The following INSL6 variants were observed in gnomAD, a reference collection of about 807,000 sequenced individuals.
INSL6 encodes insulin like 6, also known as insulin-like peptide INSL6.
Under a neutral mutation model 9.4 loss-of-function variants are expected in INSL6, and 16 were observed. The ratio of observed to expected loss-of-function variants is 1.70; its 90% CI spans 1.15 to 2.59. The LOEUF (loss-of-function observed/expected upper bound fraction) is 2.59, where lower values mean the gene tolerates loss of function less well. Ranked by LOEUF, INSL6 falls within the 30% of genes most tolerant of loss-of-function variation. The pLI is 0.00. For synonymous variants in INSL6, 154 were observed against 96.9 expected (o/e 1.59, Z -3.46); for missense variants, 391 against 257.3 (o/e 1.52, Z -3.56).
At chr9:5,010,091 G>A in the INSL6 span, among the ~76,000 whole-genome samples, 36,900 of 152,050 alleles carry the variant, frequency 0.24, 4,733 homozygotes, top group South Asian at 0.3. Context: ...TTTAAATAGA[G>A]TCTATTTCCT....
the INSL6 span, among the ~76,000 whole-genome samples, chr9:5,055,063 G>A: frequency 6.6e-6 from 1 of 151,830 alleles, no homozygotes; most frequent in Non-Finnish European, 1.5e-5. Context: ...TTCTTAAATG[G>A]TTTTTTCATT....
the INSL6 span, among the ~76,000 whole-genome samples, chr9:5,002,337 A>G: frequency 6.6e-6 from 1 of 151,948 alleles, no homozygotes; most frequent in African/African-American, 2.4e-5. Context: ...TTTATTGTTT[A>G]TTATCATTCA....
chr9:5,020,891 G>C, the INSL6 span, among the ~76,000 whole-genome samples: 2 of 152,092 alleles, frequency 1.3e-5, no homozygotes, highest in Non-Finnish European at 2.9e-5. Flanking sequence ...ATTCTGGTGT[G>C]GGTTGGGCTT....
the INSL6 span, chr9:5,080,315 G>A: frequency 6.2e-7 from 1 of 1,613,454 alleles, no homozygotes; most frequent in Non-Finnish European, 8.5e-7. Context: ...ATGGAGTTTT[G>A]GTACCACTTT....
chr9:5,016,566 T>C, the INSL6 span, among the ~76,000 whole-genome samples: 1 of 152,216 alleles, frequency 6.6e-6, no homozygotes, highest in Admixed American at 6.5e-5. Flanking sequence ...AAACCTCTAA[T>C]TGAAGTGTAA....
At chr9:5,042,611 C>CCAGT in the INSL6 span, among the ~76,000 whole-genome samples, 1 of 110,230 alleles carries the variant, frequency 9.1e-6, no homozygotes, top group African/African-American at 4.6e-5. Flanking sequence ...GCCCAGCCAG[C>CCAGT]TGCCCCCGTT....
chr9:4,998,334 G>A, the INSL6 span, among the ~76,000 whole-genome samples: 1 of 152,078 alleles, frequency 6.6e-6, no homozygotes, highest in Non-Finnish European at 1.5e-5. Flanking sequence ...TCAGCTCACT[G>A]CAACTTCTGC....
intron 2 of INSL6, among the ~76,000 whole-genome samples, chr9:5,148,536 G>A (rs913718011): frequency 6.6e-6 from 1 of 152,174 alleles, no homozygotes; most frequent in Non-Finnish European, 1.5e-5. Flanking sequence ...GCTCCCTTGG[G>A]GAGAGGCCAG....
intron 2 of INSL6, among the ~76,000 whole-genome samples, chr9:5,149,321 T>C (rs1183751524): frequency 1.3e-5 from 2 of 152,228 alleles, no homozygotes; most frequent in African/African-American, 4.8e-5. Context: ...CAGTGTTTTC[T>C]TTCTGAAGAT....
the INSL6 span, among the ~76,000 whole-genome samples, chr9:5,021,052 C>G: frequency 6.6e-6 from 1 of 152,120 alleles, no homozygotes; most frequent in East Asian, 1.9e-4. Flanking sequence ...TCTCTTGTGT[C>G]TGGGATTGCA....
the INSL6 span, among the ~76,000 whole-genome samples, chr9:5,117,081 C>T: frequency 6.6e-6 from 1 of 152,206 alleles, no homozygotes; most frequent in African/African-American, 2.4e-5. Context: ...GAGGACACGG[C>T]ATTCCTCTCC....
chr9:5,041,222 C>A, the INSL6 span: 72 of 1,466,194 alleles, frequency 4.9e-5, no homozygotes, highest in Non-Finnish European at 6.1e-5. Flanking sequence ...CCTGGTGGGG[C>A]GCCCGGGGAC....
the INSL6 span, chr9:5,072,500 C>T: frequency 2.5e-6 from 4 of 1,576,306 alleles, no homozygotes; most frequent in East Asian, 9.1e-5. Flanking sequence ...AGAATGAAAG[C>T]CTTGGCCAAG....
intron 2 of INSL6, among the ~76,000 whole-genome samples, chr9:5,150,878 C>G (rs1824699395): frequency 6.8e-6 from 1 of 146,750 alleles, no homozygotes. Flanking sequence ...CACACACACA[C>G]ACATCATGGA....
At chr9:5,041,461 G>T in the INSL6 span, 1 of 608,934 alleles carries the variant, frequency 1.6e-6, no homozygotes, top group Non-Finnish European at 3.2e-6. Context: ...CCTGGCAGGG[G>T]CTCAAGGCTG....
At chr9:5,079,181 G>C in the INSL6 span, among the ~76,000 whole-genome samples, 1 of 152,154 alleles carries the variant, frequency 6.6e-6, no homozygotes, top group Non-Finnish European at 1.5e-5. Context: ...AATTCTTACA[G>C]GGTCTTACAT....
At chr9:5,070,058 T>A in the INSL6 span, 7 of 1,592,932 alleles carry the variant, frequency 4.4e-6, no homozygotes, top group Non-Finnish European at 6.0e-6. Context: ...TATTTGTAAG[T>A]CATTAGATAC....
Position 5,174,942 on chromosome 9 carries a change from C to CT in INSL6, c.289+10371dup, listed in dbSNP as rs113608121. On this transcript the variant is annotated intron_variant, in intron 1 of 1. Transcript: ENST00000381641. ...GAATTAACAATGTTTTGGAGTCATTCTTTTTTTTTTTTTTTGAGACAGAGT... is the reference window on the plus strand; with the variant it reads ...GAATTAACAATGTTTTGGAGTCATTCTTTTTTTTTTTTTTTTGAGACAGAGT... Among the ~76,000 whole-genome samples the CT allele has an allele frequency of 7.7e-3, 1,095 of 142,766 alleles. 8 individuals are homozygous for CT. Among genetic ancestry groups the CT allele is most frequent in the African/African-American group, 0.02 (798 of 39,186 alleles). 93.7% of individuals were successfully genotyped at this position (142,766 alleles called of 152,430 possible). A position where few individuals can be genotyped will look rare whatever the true frequency, so the allele number is the denominator to read the frequency against.
intron 2 of INSL6, among the ~76,000 whole-genome samples, chr9:5,140,293 A>G (rs536790004): frequency 6.6e-6 from 1 of 152,166 alleles, no homozygotes; most frequent in East Asian, 1.9e-4. Flanking sequence ...AACTCATCAT[A>G]TTTTCTCCAA....
Sources: allele counts gnomAD v4.1 joint callset (sites outside exome capture counted in the v4.1 genomes callset), GRCh38; gene constraint gnomAD v4.1.1; transcripts MANE v1.5; gene names NCBI Gene and HGNC (gene_info 2026-07-23, HGNC 2026-07-21).